Variants in OXTR observed in about 807,000 individuals in gnomAD.
The protein encoded by OXTR is oxytocin receptor.
A neutral mutation model predicts 23.9 loss-of-function variants in OXTR; 19 were observed. That is an observed-to-expected ratio of 0.80 (90% confidence interval 0.56 to 1.17). The LOEUF (loss-of-function observed/expected upper bound fraction) is 1.17, where lower values mean the gene tolerates loss of function less well. Among genes scored for constraint, OXTR ranks in the 50% most tolerant of loss-of-function variants. OXTR has a pLI of 0.00. For synonymous variants in OXTR, 278 were observed against 250.5 expected (o/e 1.11, Z -1.04); for missense variants, 500 against 550.7 (o/e 0.91, Z 0.92).
downstream of OXTR, among the ~76,000 whole-genome samples, chr3:8,748,880 T>C (rs1708210208): frequency 6.6e-6 from 1 of 152,152 alleles, no homozygotes; most frequent in Non-Finnish European, 1.5e-5. Context: ...CCAAAGTATG[T>C]GTCAGATTTT....
chr3:8,748,147 G>C (rs62242633), downstream of OXTR, among the ~76,000 whole-genome samples: 15,846 of 152,220 alleles, frequency 0.1, 968 homozygotes, highest in African/African-American at 0.16. Context: ...TTGAAATGCA[G>C]GTTCCAAGGC....
intron 3 of OXTR, among the ~76,000 whole-genome samples, chr3:8,761,784 T>C (rs1488397939): frequency 6.6e-6 from 1 of 152,080 alleles, no homozygotes; most frequent in Non-Finnish European, 1.5e-5. Flanking sequence ...AAAGCTGAGG[T>C]CCAGAGAGGG....
chr3:8,749,815 C>T (rs1708222719), downstream of OXTR, among the ~76,000 whole-genome samples: 1 of 152,194 alleles, frequency 6.6e-6, no homozygotes, highest in South Asian at 2.1e-4. Context: ...AATGCTAGCT[C>T]ATTCTATTGT....
intron 3 of OXTR, among the ~76,000 whole-genome samples, chr3:8,753,445 G>A (rs182674558): frequency 3.9e-5 from 6 of 152,266 alleles, no homozygotes; most frequent in African/African-American, 1.4e-4. Flanking sequence ...TCCCCACCAG[G>A]CTTAGCCCAG....
At chr3:8,745,457 G>A (rs1038496437), downstream of OXTR, 167 of 1,226,238 alleles carry the variant, frequency 1.4e-4, 1 homozygote, top group South Asian at 2.3e-4. This position sits in a 1 kb window ranked among gnomAD's most constrained non-coding sequence, Gnocchi z 4.8. Flanking sequence ...ACACATGCAC[G>A]CACACACCCA....
At chr3:8,759,167 C>A (rs1708436882) in intron 3 of OXTR, among the ~76,000 whole-genome samples, 1 of 152,292 alleles carries the variant, frequency 6.6e-6, no homozygotes, top group Admixed American at 6.5e-5. Context: ...AGTAACTGTC[C>A]ACCGTTCTTG....
chr3:8,750,955 C>T lies in OXTR; in HGVS notation c.*2022G>A, dbSNP rs1045916148. The stretch of plus-strand genomic sequence containing the variant: ...TACGTTTAACTTTTTGAGGTACTGC[C>T]AAACTGTTTTTCAAAGCAGGTGCAC... On this transcript the variant is annotated 3_prime_UTR_variant, in exon 4 of 4. Transcript: ENST00000316793. The T allele has an allele frequency of 6.6e-6, 1 of 152,116 alleles. No individual in the cohort carries two copies. Among genetic ancestry groups the T allele is most frequent in the Non-Finnish European group, 1.5e-5 (1 of 68,012 alleles). The allele number at this position is 152,116 out of a possible 1,614,324, so 9.4% of individuals were successfully genotyped here. A position where few individuals can be genotyped will look rare whatever the true frequency, so the allele number is the denominator to read the frequency against.
chr3:8,767,240 C>T lies in OXTR; in HGVS notation c.922+26G>A, dbSNP rs757701441. 2.6e-6 allele frequency: 4 copies of T among 1,515,704 alleles called. No individual in the cohort carries two copies. The South Asian group carries it at 4.0e-5, about 15-fold the overall frequency. The allele number at this position is 1,515,704 out of a possible 1,614,324, so 93.9% of individuals were successfully genotyped here. On this transcript the variant is annotated intron_variant, in intron 3 of 3. Transcript: ENST00000316793. ...CCTCCCCCAGCCACCAGGCTCCCTC[C>T]TCCTGGGTCTCCCAGCCCTGGCTAC... is the stretch of plus-strand genomic sequence containing the variant.
intron 3 of OXTR, among the ~76,000 whole-genome samples, chr3:8,758,895 C>A (rs1467635886): frequency 6.6e-6 from 1 of 152,218 alleles, no homozygotes; most frequent in Non-Finnish European, 1.5e-5. Context: ...TCCATCCAAT[C>A]TGGGCCACAC....
At chr3:8,748,101 T>C (rs1708199336), downstream of OXTR, among the ~76,000 whole-genome samples, 1 of 140,684 alleles carries the variant, frequency 7.1e-6, no homozygotes, top group Non-Finnish European at 1.5e-5. Context: ...CCATTCCCTC[T>C]CATAAGATAC....
intron 3 of OXTR, among the ~76,000 whole-genome samples, chr3:8,759,604 G>A (rs1708445839): frequency 6.6e-6 from 1 of 152,230 alleles, no homozygotes; most frequent in Non-Finnish European, 1.5e-5. Flanking sequence ...CTCCCAGTAA[G>A]GTGACTGGAC....
downstream of OXTR, among the ~76,000 whole-genome samples, chr3:8,749,503 G>A (rs577796862): frequency 1.3e-5 from 2 of 152,256 alleles, no homozygotes; most frequent in South Asian, 2.1e-4. Context: ...TCTGGCTGGT[G>A]GGCAGCGAGG....
At chr3:8,764,551 T>C (rs1708564323) in intron 3 of OXTR, among the ~76,000 whole-genome samples, 1 of 152,228 alleles carries the variant, frequency 6.6e-6, no homozygotes, top group Non-Finnish European at 1.5e-5. Flanking sequence ...GCCTCTGGAT[T>C]GAGAGGTATC....
chr3:8,755,401 T>A (rs1173770250), intron 3 of OXTR, among the ~76,000 whole-genome samples: 1 of 152,254 alleles, frequency 6.6e-6, no homozygotes, highest in Non-Finnish European at 1.5e-5. Context: ...CTGTTTTGCC[T>A]AGTTGGATAC....
Position 8,768,136 on chromosome 3 carries a change from C to T in OXTR, c.52G>A (p.Ala18Thr). Residue 18 changes from alanine to threonine, a missense_variant, in exon 3 of 4, where the codon GCC becomes ACC. Transcript: ENST00000316793. The surrounding 1 kb of genome is among the most constrained non-coding windows in gnomAD (Gnocchi z 5.4). ...NWSAEAANASAAPPGAEGNRT... is the reference protein window; with the variant it reads ...NWSAEAANASTAPPGAEGNRT... ...TTGCCCTCGGCCCCCGGCGGCGCGG[C>T]GCTGGCGTTGGCTGCCTCGGCGCTC... 7.4e-7 allele frequency: 1 copy of T among 1,347,260 alleles called. No individual in the cohort carries two copies. Among genetic ancestry groups the T allele is most frequent in the Non-Finnish European group, 9.5e-7 (1 of 1,057,988 alleles). 83.5% of individuals were successfully genotyped at this position (1,347,260 alleles called of 1,614,324 possible).
At chr3:8,766,365 C>G (rs777430973) in intron 3 of OXTR, among the ~76,000 whole-genome samples, 7 of 152,142 alleles carry the variant, frequency 4.6e-5, no homozygotes, top group Non-Finnish European at 8.8e-5. Flanking sequence ...CTCCCTAGGT[C>G]GCCCTCTTCT....
At position 8,763,905 on chromosome 3, in the gene OXTR, GT is replaced by G. The variant is rs558491507; in HGVS notation, c.922+3360del. ...TAGTATTATTACTATTATTGTAATA[GT>G]TTTTTTTCCTTTTCTTCTCCCTACT... On this transcript the variant is annotated intron_variant, in intron 3 of 3. Coordinates refer to ENST00000316793, the MANE Select transcript of OXTR (RefSeq NM_000916.4). Among the ~76,000 whole-genome samples the G allele has an allele frequency of 3.0e-4, 45 of 152,072 alleles. No individual in the cohort carries two copies. In the Middle Eastern group the frequency reaches 0.01, roughly 34 times the overall value.
chr3:8,758,610 G>T (rs1006179268), intron 3 of OXTR, among the ~76,000 whole-genome samples: 1 of 152,148 alleles, frequency 6.6e-6, no homozygotes, highest in Admixed American at 6.5e-5. Context: ...ACACTACAGG[G>T]TGCCTTCTTA....
chr3:8,761,127 G>A (rs62243370), intron 3 of OXTR, among the ~76,000 whole-genome samples: 23,603 of 152,152 alleles, frequency 0.16, 2,105 homozygotes, highest in East Asian at 0.31. Flanking sequence ...AGACTGTTCA[G>A]CCTAAAATGT....
Sources: allele counts gnomAD v4.1 joint callset (sites outside exome capture counted in the v4.1 genomes callset), GRCh38; gene constraint gnomAD v4.1.1; non-coding constraint Gnocchi (gnomAD v3.1); transcripts MANE v1.5; gene names NCBI Gene and HGNC (gene_info 2026-07-23, HGNC 2026-07-21).